Variants in FCHO1 observed in about 807,000 individuals in gnomAD.
The protein encoded by FCHO1 is FCH and mu domain containing endocytic adaptor 1, also known as F-BAR domain only protein 1.
FCHO1 carries 45 observed loss-of-function variants against 114.4 expected under a neutral mutation model. That is an observed-to-expected ratio of 0.39 (90% confidence interval 0.31 to 0.50). The LOEUF (loss-of-function observed/expected upper bound fraction) is 0.50, where lower values mean the gene tolerates loss of function less well. Ranked by LOEUF, FCHO1 falls within the 20% of genes least tolerant of loss-of-function variation. The pLI, the probability that FCHO1 is intolerant of heterozygous loss-of-function variation, is 0.77. For missense variants in FCHO1, 1,042 were observed against 1,209.6 expected (o/e 0.86, Z 2.06); for synonymous variants, 480 against 488.9 (o/e 0.98, Z 0.24).
chr19:17,752,588 A>G lies in FCHO1; in HGVS notation c.-183+1011A>G, dbSNP rs577377841. Among the ~76,000 whole-genome samples, 10 of 151,844 alleles carry G rather than the reference A, an allele frequency of 6.6e-5. No homozygotes were observed. In the South Asian group the frequency reaches 2.1e-3, roughly 32 times the overall value. On this transcript the variant is annotated intron_variant, in intron 1 of 28. Coordinates refer to ENST00000596536, the MANE Select transcript of FCHO1 (RefSeq NM_015122.3). ...TGTATTTAATTTTACTTGGTTTAACATTAATACAAAAATTAATACAAAAAT... is the reference window on the plus strand; with the variant it reads ...TGTATTTAATTTTACTTGGTTTAACGTTAATACAAAAATTAATACAAAAAT...
rs924000939 is a variant in FCHO1 at position 17,752,096 on chromosome 19, G to A, written c.-183+519G>A. 7.9e-5 allele frequency among the ~76,000 whole-genome samples: 12 copies of A among 152,148 alleles called. 1 individual carries two copies. The highest frequency in any genetic ancestry group is 1.8e-4 in the Non-Finnish European group (12 of 68,030). ...CAGTAGTGAGATTCTTGGTTTCTGG[G>A]GAACTTGGGCTCCTTGGTTCCTGGG... On this transcript the variant is annotated intron_variant, in intron 1 of 28. Transcript: ENST00000596536.
upstream of FCHO1, among the ~76,000 whole-genome samples, chr19:17,749,953 C>G (rs1020455168): frequency 1.3e-5 from 2 of 152,162 alleles, no homozygotes; most frequent in African/African-American, 2.4e-5. Flanking sequence ...GAAGCCAGAT[C>G]GTGGAAGGTC....
intron 9 of FCHO1, among the ~76,000 whole-genome samples, chr19:17,771,537 T>G (rs1416259421): frequency 6.7e-6 from 1 of 149,284 alleles, no homozygotes; most frequent in Non-Finnish European, 1.5e-5. Flanking sequence ...GGCGTGGTGG[T>G]GGGTGCCTGT....
chr19:17,764,927 G>A lies in FCHO1; in HGVS notation c.194+478G>A, dbSNP rs1386795162. Among the ~76,000 whole-genome samples, 14 of 152,070 alleles carry A rather than the reference G, an allele frequency of 9.2e-5. No homozygotes were observed. In the South Asian group the frequency reaches 1.0e-3, roughly 11 times the overall value. ...TAAAAATACAAAATTAGTCGAGTGTGGTGGCGGGTGCCTGTAATCCCAGCT... is the reference window on the plus strand; with the variant it reads ...TAAAAATACAAAATTAGTCGAGTGTAGTGGCGGGTGCCTGTAATCCCAGCT... On this transcript the variant is annotated intron_variant, in intron 6 of 28. Coordinates refer to ENST00000596536, the MANE Select transcript of FCHO1 (RefSeq NM_015122.3).
At chr19:17,770,626 G>A in intron 8 of FCHO1, 49 bp downstream of exon 8, 14 of 1,590,674 alleles carry the variant, frequency 8.8e-6, no homozygotes, top group Non-Finnish European at 1.2e-5. Flanking sequence ...GGGGCGGAGG[G>A]GCTGCCTGAT....
rs1466840192 is a variant in FCHO1, at chr19:17,751,809, G to C, written c.-183+232G>C. Among the ~76,000 whole-genome samples the C allele has an allele frequency of 1.3e-5, 2 of 152,252 alleles. No homozygotes were observed. Among genetic ancestry groups the C allele is most frequent in the Non-Finnish European group, 2.9e-5 (2 of 68,040 alleles). ...GCGGCAAGGGGAGCTTGGAAACCCA[G>C]AGAGCCACGCGTGATGGTTTCAAAC... On this transcript the variant is annotated intron_variant, in intron 1 of 28. Coordinates refer to ENST00000596536, the MANE Select transcript of FCHO1 (RefSeq NM_015122.3). This position sits in a 1 kb window ranked among gnomAD's most constrained non-coding sequence, Gnocchi z 4.4.
In FCHO1 at chr19:17,784,350, A is replaced by C; in HGVS notation, c.2226+115A>C. On this transcript the variant is annotated intron_variant, in intron 25 of 28. Transcript: ENST00000596536. This position sits in a 1 kb window ranked among gnomAD's most constrained non-coding sequence, Gnocchi z 5.3. Reference sequence around the variant, plus strand: ...AGGCTGGTCTCGAATTCCTGACCTCAAGAGATCCAATCTGTGAGAGCCGAT... The same window carrying C: ...AGGCTGGTCTCGAATTCCTGACCTCCAGAGATCCAATCTGTGAGAGCCGAT... 1.3e-5 allele frequency: 17 copies of C among 1,305,556 alleles called. No individual in the cohort carries two copies. Among genetic ancestry groups the C allele is most frequent in the African/African-American group, 2.9e-5 (2 of 68,412 alleles). The allele number at this position is 1,305,556 out of a possible 1,614,324, so 80.9% of individuals were successfully genotyped here.
intron 4 of FCHO1, among the ~76,000 whole-genome samples, chr19:17,761,139 A>G (rs937972496): frequency 7.2e-5 from 11 of 152,202 alleles, no homozygotes; most frequent in Admixed American, 6.5e-4. Flanking sequence ...AGGTAACAGC[A>G]GAATCATTTG....
chr19:17,776,101 GGCA>G lies in FCHO1; in HGVS notation c.1128_1130del (p.Ala378del). ...CCCGGGCTCCAGCCTGCAGCCCCGAGGCAGCAGCGGCACAGCTCAGGGCCACCG... is the reference window on the plus strand; with the variant it reads ...CCCGGGCTCCAGCCTGCAGCCCCGAGGCAGCGGCACAGCTCAGGGCCACCG... On this transcript the variant is annotated inframe_deletion, in exon 16 of 29. Coordinates refer to ENST00000596536, the MANE Select transcript of FCHO1 (RefSeq NM_015122.3). The surrounding 1 kb of genome is among the most constrained non-coding windows in gnomAD (Gnocchi z 4.4). The G allele has an allele frequency of 6.2e-7, 1 of 1,612,738 alleles. No individual in the cohort carries two copies. The highest frequency in any genetic ancestry group is 8.5e-7 in the Non-Finnish European group (1 of 1,179,906).
chr19:17,774,856 G>T, intron 13 of FCHO1, 200 bp from the exon 14 acceptor site: 1 of 603,880 alleles, frequency 1.7e-6, no homozygotes, highest in Non-Finnish European at 2.9e-6. Context: ...CAGGCTGTTT[G>T]AGAACACTCT....
intron 26 of FCHO1, among the ~76,000 whole-genome samples, chr19:17,785,470 G>A (rs957192530): frequency 3.9e-5 from 6 of 152,080 alleles, no homozygotes; most frequent in Admixed American, 1.3e-4. Context: ...TGATCCACCC[G>A]CCTCGGCCTC....
intron 4 of FCHO1, among the ~76,000 whole-genome samples, chr19:17,761,182 T>C (rs2085995332): frequency 6.6e-6 from 1 of 152,240 alleles, no homozygotes; most frequent in Non-Finnish European, 1.5e-5. Context: ...ATGCCCTTTC[T>C]GTCTCTCATT....
At position 17,772,565 on chromosome 19, in the gene FCHO1, G is replaced by A. The variant is rs760418723; in HGVS notation, c.693+10G>A. The A allele has an allele frequency of 1.9e-6, 3 of 1,614,046 alleles. No individual in the cohort carries two copies. The highest frequency in any genetic ancestry group is 2.2e-5 in the East Asian group (1 of 44,880). On this transcript the variant is annotated intron_variant, in intron 10 of 28. Transcript: ENST00000596536. The stretch of plus-strand genomic sequence containing the variant: ...CGTGCAGATTGGGCAGGTGAGTTGG[G>A]CAGGTGTGAGGAATGAGGCTGGGGT...
intron 19 of FCHO1, 140 bp downstream of exon 19, chr19:17,778,368 A>G: frequency 3.0e-6 from 2 of 668,526 alleles, no homozygotes; most frequent in Non-Finnish European, 5.0e-6. Context: ...GCGGGGCCAG[A>G]GTGCGCGTGG....
chr19:17,764,361 A>T lies in FCHO1; in HGVS notation c.120-14A>T, dbSNP rs1176137132. 2 of 1,613,106 alleles carry T rather than the reference A, an allele frequency of 1.2e-6. No individual in the cohort carries two copies. The highest frequency in any genetic ancestry group is 2.2e-5 in the South Asian group (2 of 91,074). On this transcript the variant is annotated splice_polypyrimidine_tract_variant and intron_variant, in intron 5 of 28. Coordinates refer to ENST00000596536, the MANE Select transcript of FCHO1 (RefSeq NM_015122.3). ...CGGGCAGTTTCTCCATCTTTACCTCATTCTCCTCCCCAGGGCCACCATCGA... is the reference window on the plus strand; with the variant it reads ...CGGGCAGTTTCTCCATCTTTACCTCTTTCTCCTCCCCAGGGCCACCATCGA...
Position 17,775,625 on chromosome 19 carries a change from T to C in FCHO1, c.1003+112T>C. On this transcript the variant is annotated intron_variant, in intron 15 of 28. Transcript: ENST00000596536. This position sits in a 1 kb window ranked among gnomAD's most constrained non-coding sequence, Gnocchi z 5.1. ...CTCTGTGTACATCCTGGAGAGAGTC[T>C]CCTTTGTGGATGAAGCCAACCTAAA... 9.4e-7 allele frequency: 1 copy of C among 1,060,300 alleles called. No individual in the cohort carries two copies. Among genetic ancestry groups the C allele is most frequent in the Non-Finnish European group, 1.5e-6 (1 of 687,178 alleles). 65.7% of individuals were successfully genotyped at this position (1,060,300 alleles called of 1,614,324 possible).
intron 9 of FCHO1, among the ~76,000 whole-genome samples, chr19:17,771,388 G>A (rs549498021): frequency 9.5e-4 from 144 of 151,084 alleles, no homozygotes; most frequent in African/African-American, 3.3e-3. Context: ...AAAGAAAAAG[G>A]CTGGGCGCGG....
At chr19:17,759,255 C>CT (rs1472354127) in intron 4 of FCHO1, among the ~76,000 whole-genome samples, 1 of 61,710 alleles carries the variant, frequency 1.6e-5, no homozygotes, top group Non-Finnish European at 3.2e-5. Flanking sequence ...CAGAGTCTTG[C>CT]TCTGTCAGCC....
In FCHO1 at chr19:17,775,282, C is replaced by T. The variant is rs1452144491; in HGVS notation, c.946-174C>T. Among the ~76,000 whole-genome samples, 1 of 152,128 alleles carries T rather than the reference C, an allele frequency of 6.6e-6. No individual in the cohort carries two copies. The highest frequency in any genetic ancestry group is 2.4e-5 in the African/African-American group (1 of 41,404). On this transcript the variant is annotated intron_variant, in intron 14 of 28. Transcript: ENST00000596536. This position sits in a 1 kb window ranked among gnomAD's most constrained non-coding sequence, Gnocchi z 5.1. ...GGTGTGAATAATGTCCCTGCCGAAG[C>T]TCAGTTTGTCCCAGGAACCTGCCCA...
Sources: allele counts gnomAD v4.1 joint callset (sites outside exome capture counted in the v4.1 genomes callset), GRCh38; gene constraint gnomAD v4.1.1; non-coding constraint Gnocchi (gnomAD v3.1); transcripts MANE v1.5; gene names NCBI Gene and HGNC (gene_info 2026-07-23, HGNC 2026-07-21).